The following USP9Y variants were observed in gnomAD, a reference collection of about 807,000 sequenced individuals.
USP9Y encodes the protein ubiquitin carboxyl-terminal hydrolase 9Y.
Under a neutral mutation model 53.1 loss-of-function variants are expected in USP9Y, and 41 were observed. That is an observed-to-expected ratio of 0.77 (90% confidence interval 0.60 to 1.00). The LOEUF is 1.00. USP9Y is among the 50% of genes least tolerant of loss of function. The probability of loss-of-function intolerance (pLI) is 0.00; values close to 1 mark genes in which losing one functional copy is unlikely to be tolerated. For synonymous variants in USP9Y, 220 were observed against 173.7 expected, an observed-to-expected ratio of 1.27 and a Z score of -2.09; for missense variants, 567 against 535.8, an observed-to-expected ratio of 1.06 and a Z score of -0.58.
At chrY:12,805,828 T>G in intron 27 of USP9Y, among the ~76,000 whole-genome samples, 5 of 33,560 alleles carry the variant, frequency 1.5e-4, no homozygotes, top group Non-Finnish European at 2.9e-4. Flanking sequence ...TGTAGTTCAT[T>G]GTTGCCCTCT....
At position 12,709,452 on chromosome Y, in the gene USP9Y, C is replaced by T; in HGVS notation, c.5C>T (p.Thr2Ile). Residue 2 changes from threonine to isoleucine, a missense_variant, in exon 3 of 46, where the codon ACA becomes ATA. Transcript: ENST00000338981. ...AAGATCTGTGCTGTGTCAAGTATGA[C>T]AGCCATCACTCATGGCTCTCCAGTA... M[T>I]AITHGSPVGG... The T allele has an allele frequency of 2.5e-6, 1 of 392,431 alleles. No homozygotes were observed. The highest frequency in any genetic ancestry group is 3.6e-6 in the Non-Finnish European group (1 of 278,046).
intron 22 of USP9Y, among the ~76,000 whole-genome samples, chrY:12,780,323 G>A: frequency 3.1e-5 from 1 of 32,626 alleles, no homozygotes; most frequent in Non-Finnish European, 7.5e-5. Flanking sequence ...GTTATATCAT[G>A]TTTTCTTGGA....
chrY:12,823,545 T>G, intron 33 of USP9Y, among the ~76,000 whole-genome samples: 1 of 32,842 alleles, frequency 3.0e-5, no homozygotes, highest in African/African-American at 1.2e-4. Context: ...GGTTTTTAGT[T>G]TCTGTGTCTA....
At chrY:12,774,790 A>T (rs1451069677) in intron 17 of USP9Y, among the ~76,000 whole-genome samples, 1 of 33,344 alleles carries the variant, frequency 3.0e-5, no homozygotes, top group Non-Finnish European at 7.4e-5. Context: ...GTTGTGTCAC[A>T]GCTTATATTT....
chrY:12,842,188 G>A (rs2053561774), intron 37 of USP9Y, 52 bp from the exon 38 acceptor site: 3 of 346,590 alleles, frequency 8.7e-6, no homozygotes, highest in African/African-American at 6.8e-5. Context: ...CATGTACCAA[G>A]CAAAATAAAC....
chrY:12,822,371 CTTTTTTT>C (rs749724686), intron 33 of USP9Y, among the ~76,000 whole-genome samples: 2 of 24,758 alleles, frequency 8.1e-5, no homozygotes, highest in African/African-American at 3.1e-4. Flanking sequence ...GAGGTTTTTT[CTTTTTTT>C]TTTTTTTTCA....
intron 17 of USP9Y, 135 bp downstream of exon 17, chrY:12,774,060 G>A: frequency 1.3e-5 from 2 of 159,810 alleles, no homozygotes; most frequent in Non-Finnish European, 2.3e-5. Flanking sequence ...AGAAATCTAG[G>A]TGTGCAAGGA....
chrY:12,724,737 T>C (rs2053439605), intron 5 of USP9Y, among the ~76,000 whole-genome samples: 1 of 33,672 alleles, frequency 3.0e-5, no homozygotes. Context: ...TTTTTAATTG[T>C]CACTTTTTAA....
At chrY:12,806,352 A>G in intron 27 of USP9Y, among the ~76,000 whole-genome samples, 1 of 33,583 alleles carries the variant, frequency 3.0e-5, no homozygotes, top group East Asian at 7.8e-4. Context: ...AATCTATGTT[A>G]TTGTCTCAGA....
chrY:12,778,022 A>G lies in USP9Y; in HGVS notation c.2643A>G (p.Ala881=). The stretch of plus-strand genomic sequence containing the variant: ...TATTTACTTATTTATTTTTCAGAGC[A>G]TTTCGTGGCAAACACCTCTCTCTTA... ...KERMILPMSR[A]FRGKHLSLIV... is the part of the protein sequence containing the mutation. Residue 881 remains alanine (A), a synonymous_variant, in exon 20 of 46, where the codon GCA becomes GCG. Transcript: ENST00000338981. 2.6e-6 allele frequency: 1 copy of G among 391,923 alleles called. No homozygotes were observed. The highest frequency in any genetic ancestry group is 9.4e-5 in the East Asian group (1 of 10,686).
chrY:12,807,688 G>A, intron 27 of USP9Y, among the ~76,000 whole-genome samples: 1 of 31,567 alleles, frequency 3.2e-5, no homozygotes, highest in East Asian at 8.1e-4. Context: ...TATAGTCTTT[G>A]TGTATAAAGT....
At chrY:12,789,993 G>A in intron 24 of USP9Y, among the ~76,000 whole-genome samples, 1 of 33,304 alleles carries the variant, frequency 3.0e-5, no homozygotes, top group African/African-American at 1.2e-4. Context: ...GTGTTACTAC[G>A]TGTGTAGTTT....
Position 12,846,400 on chromosome Y carries a change from C to T in USP9Y, c.6636C>T (p.Asp2212=). ...VPATFMLVSL[D]EGPGPPIKYQ... ...CTACCTTTATGCTTGTGTCTTTAGA[C>T]GAAGGACCAGGTCCTCCAATCAAAT... Residue 2212 remains aspartate (D), a synonymous_variant, in exon 40 of 46, where the codon GAC becomes GAT. Transcript: ENST00000338981. The T allele has an allele frequency of 7.6e-6, 3 of 395,362 alleles. No homozygotes were observed. Among genetic ancestry groups the T allele is most frequent in the Non-Finnish European group, 1.1e-5 (3 of 282,552 alleles).
At chrY:12,794,997 C>T in intron 27 of USP9Y, among the ~76,000 whole-genome samples, 6 of 33,537 alleles carry the variant, frequency 1.8e-4, no homozygotes, top group Non-Finnish European at 4.4e-4. Context: ...CTGGATATTG[C>T]ATTGAATCTC....
chrY:12,842,632 G>C, intron 38 of USP9Y, among the ~76,000 whole-genome samples, 167 bp downstream of exon 38: 1 of 32,899 alleles, frequency 3.0e-5, no homozygotes, highest in African/African-American at 1.2e-4. Context: ...TTATTTCATG[G>C]TAATAGTGAT....
intron 15 of USP9Y, among the ~76,000 whole-genome samples, chrY:12,765,218 C>G (rs976832807): frequency 6.3e-5 from 2 of 31,792 alleles, no homozygotes; most frequent in African/African-American, 1.2e-4. Context: ...AGTGCATCAC[C>G]CTGAAGGCCT....
At chrY:12,806,011 C>T in intron 27 of USP9Y, among the ~76,000 whole-genome samples, 1 of 32,988 alleles carries the variant, frequency 3.0e-5, no homozygotes, top group African/African-American at 1.2e-4. Flanking sequence ...TGGTTTACTC[C>T]GACATTTACC....
At chrY:12,743,401 C>T in intron 12 of USP9Y, among the ~76,000 whole-genome samples, 1 of 32,041 alleles carries the variant, frequency 3.1e-5, no homozygotes, top group African/African-American at 1.2e-4. Flanking sequence ...CTACAGGTGC[C>T]TGCCACCACA....
intron 7 of USP9Y, among the ~76,000 whole-genome samples, chrY:12,732,454 C>T: frequency 6.0e-5 from 2 of 33,156 alleles, no homozygotes; most frequent in Admixed American, 2.8e-4. Context: ...GTGATTCCCC[C>T]GCCTCAGGAT....
Sources: gnomAD v4.1 joint callset for allele counts (sites outside exome capture counted in the v4.1 genomes callset) on GRCh38, gnomAD v4.1.1 for gene constraint, MANE v1.5 for transcripts, NCBI Gene and HGNC (gene_info 2026-07-23, HGNC 2026-07-21) for gene names.